SLC22A14: variants seen among roughly 807,000 people sequenced by gnomAD.
SLC22A14 encodes the protein organic cation transporter-like 4.
In SLC22A14, 50 loss-of-function variants were observed where a neutral mutation model predicts 53.9. That is an observed-to-expected ratio of 0.93 (90% CI 0.74 to 1.17). The LOEUF (loss-of-function observed/expected upper bound fraction) is 1.17. SLC22A14 is among the 50% of genes most tolerant of loss of function. The probability of loss-of-function intolerance (pLI) is 0.00; values close to 1 mark genes in which losing one functional copy is unlikely to be tolerated. For missense variants in SLC22A14, 671 were observed against 734.7 expected (o/e 0.91, Z 1.00); for synonymous variants, 312 against 303.0 (o/e 1.03, Z -0.31).
intron 1 of SLC22A14, among the ~76,000 whole-genome samples, chr3:38,296,553 G>T (rs1003776558): frequency 5.3e-5 from 8 of 152,164 alleles, no homozygotes; most frequent in African/African-American, 1.9e-4. Flanking sequence ...AATGTTACTG[G>T]GGGTCCTTGC....
In SLC22A14 at chr3:38,313,745, C is replaced by T. The variant is rs779891957; in HGVS notation, c.1182C>T (p.Thr394=). The T allele has an allele frequency of 1.1e-5, 18 of 1,609,924 alleles. 1 individual carries two copies. The South Asian group carries it at 2.0e-4, about 18-fold the overall frequency. ...MSCVWFTVSY[T]YFTLSLRMRE... ...CATCCAGGTTTACCGTCAGTTACAC[C>T]TATTTTACGTTGAGCCTGAGAATGA... Residue 394 remains threonine, a synonymous_variant, in exon 8 of 11, where the codon ACC becomes ACT. Transcript: ENST00000448498.
At chr3:38,297,761 AT>A (rs2125879055) in intron 1 of SLC22A14, among the ~76,000 whole-genome samples, 1 of 152,264 alleles carries the variant, frequency 6.6e-6, no homozygotes, top group East Asian at 1.9e-4. Flanking sequence ...GGTGATTTTA[AT>A]TTTGATTACT....
Position 38,316,357 on chromosome 3 carries a change from G to A in SLC22A14, c.1566G>A (p.Ser522=), listed in dbSNP as rs150495574. Residue 522 remains serine, a synonymous_variant, in exon 10 of 11, where the codon TCG becomes TCA. Coordinates refer to ENST00000448498, the MANE Select transcript of SLC22A14 (RefSeq NM_001320033.2). ...GTCTGGGGCTGGTGTCTCTGGCCTC[G>A]GTGGCTGGAGCCATCTTGTCCCTGA... ...ATGLGLVSLA[S]VAGAILSLTI... The A allele has an allele frequency of 3.2e-4, 515 of 1,614,106 alleles. 3 individuals carry two copies. The highest frequency in any genetic ancestry group is 3.1e-3 in the South Asian group (282 of 91,078).
rs757456260 is a variant in SLC22A14, at chr3:38,306,148, T to C, written c.122T>C (p.Leu41Ser). 2 of 1,614,036 alleles carry C rather than the reference T, an allele frequency of 1.2e-6. No individual in the cohort carries two copies. The highest frequency in any genetic ancestry group is 2.2e-5 in the East Asian group (1 of 44,892). Reference protein sequence around the residue: ...SWSLEMLLRRLRAVHTKQDDK... With the variant: ...SWSLEMLLRRSRAVHTKQDDK... ...TCTCTGGAGATGCTGTTACGCAGATTGAGGGCTGTCCACACCAAGCAGGAT... is the reference window on the plus strand; with the variant it reads ...TCTCTGGAGATGCTGTTACGCAGATCGAGGGCTGTCCACACCAAGCAGGAT... Residue 41 changes from leucine (L) to serine (S), a missense_variant, in exon 2 of 11, where the codon TTG (leucine) becomes TCG (serine). Transcript: ENST00000448498.
At chr3:38,314,065 C>G in intron 8 of SLC22A14, 124 bp downstream of exon 8, 6 of 700,654 alleles carry the variant, frequency 8.6e-6, no homozygotes, top group Non-Finnish European at 1.4e-5. Context: ...GCACCTATAG[C>G]CCACCCACCC....
chr3:38,309,421 G>C (rs1453427132), intron 5 of SLC22A14, among the ~76,000 whole-genome samples: 1 of 152,190 alleles, frequency 6.6e-6, no homozygotes, highest in African/African-American at 2.4e-5. Flanking sequence ...GAAGGTAAGA[G>C]GGGTGATGCT....
intron 1 of SLC22A14, among the ~76,000 whole-genome samples, chr3:38,295,020 T>C (rs1461364410): frequency 6.6e-6 from 1 of 152,224 alleles, no homozygotes; most frequent in Non-Finnish European, 1.5e-5. Flanking sequence ...GATCCAACGT[T>C]TGAGCAGACC....
chr3:38,310,094 G>A (rs988354414), intron 5 of SLC22A14, among the ~76,000 whole-genome samples: 7 of 152,160 alleles, frequency 4.6e-5, no homozygotes, highest in African/African-American at 1.7e-4. Flanking sequence ...TAACAGCATG[G>A]GGGCTGGGCG....
chr3:38,293,898 G>T (rs377402315), intron 1 of SLC22A14, among the ~76,000 whole-genome samples: 281 of 152,266 alleles, frequency 1.8e-3, no homozygotes, highest in African/African-American at 6.5e-3. Context: ...TCTCTCATTT[G>T]GGGTTAATGT....
chr3:38,302,023 A>G (rs1417223623), intron 1 of SLC22A14, among the ~76,000 whole-genome samples: 1 of 151,136 alleles, frequency 6.6e-6, no homozygotes, highest in Non-Finnish European at 1.5e-5. Context: ...ACCCAAGGTC[A>G]GGAGTTCAAG....
At chr3:38,291,447 A>G (rs1291245471) in intron 1 of SLC22A14, among the ~76,000 whole-genome samples, 1 of 152,238 alleles carries the variant, frequency 6.6e-6, no homozygotes, top group Non-Finnish European at 1.5e-5. Context: ...TTAAGCAAAA[A>G]GTTGTCTGAC....
At chr3:38,317,900 A>T (rs1357313114) in intron 10 of SLC22A14, among the ~76,000 whole-genome samples, 1 of 152,158 alleles carries the variant, frequency 6.6e-6, no homozygotes, top group Non-Finnish European at 1.5e-5. Context: ...GAGAGGATTA[A>T]ACCTACATAA....
chr3:38,287,871 GTA>G (rs35138491), intron 1 of SLC22A14, among the ~76,000 whole-genome samples: 22,351 of 152,036 alleles, frequency 0.15, 1,848 homozygotes, highest in Non-Finnish European at 0.19. Context: ...ATATATTTCT[GTA>G]TGTTTTATCA....
intron 8 of SLC22A14, 74 bp from the exon 9 acceptor site, chr3:38,315,484 G>A: frequency 6.8e-7 from 1 of 1,465,832 alleles, no homozygotes. Context: ...GCAGGTGGTG[G>A]GGAAGGCTGT....
rs1173485716 is a variant in SLC22A14 at position 38,307,898 on chromosome 3, C to T, written c.775+178C>T. The T allele has an allele frequency of 3.1e-6, 2 of 651,464 alleles. No individual in the cohort carries two copies. The highest frequency in any genetic ancestry group is 5.3e-6 in the Non-Finnish European group (2 of 379,042). The allele number at this position is 651,464 out of a possible 1,614,324, so 40.4% of individuals were successfully genotyped here. Reference sequence around the variant, plus strand: ...GCAGCGTGGGCATCTGCTGGGATCCCACAGGACACAGAGTCAGGGGCCTAA... The same window carrying T: ...GCAGCGTGGGCATCTGCTGGGATCCTACAGGACACAGAGTCAGGGGCCTAA... On this transcript the variant is annotated intron_variant, in intron 4 of 10. Coordinates refer to ENST00000448498, the MANE Select transcript of SLC22A14 (RefSeq NM_001320033.2). The surrounding 1 kb of genome is among the most constrained non-coding windows in gnomAD (Gnocchi z 4.4).
chr3:38,306,648 T>C (rs2070485), intron 2 of SLC22A14, 106 bp downstream of exon 2: 63,977 of 1,167,238 alleles, frequency 0.055, 2,133 homozygotes, highest in East Asian at 0.15. Context: ...TGGGAAGCCA[T>C]TGGCCTGAGG....
At position 38,313,792 on chromosome 3, in the gene SLC22A14, A is replaced by T; in HGVS notation, c.1229A>T (p.His410Leu). ...ATGAGAGAGCTGGGCGTGAGCGTCCACTTCAGACACGTGGTCCCCAGCATC... is the reference window on the plus strand; with the variant it reads ...ATGAGAGAGCTGGGCGTGAGCGTCCTCTTCAGACACGTGGTCCCCAGCATC... ...LRMRELGVSV[H>L]FRHVVPSIME... is the part of the protein sequence containing the mutation. Residue 410 changes from histidine to leucine, a missense_variant, in exon 8 of 11, where the codon CAC (histidine) becomes CTC (leucine). Transcript: ENST00000448498. 6.2e-7 allele frequency: 1 copy of T among 1,613,036 alleles called. No individual in the cohort carries two copies. Among genetic ancestry groups the T allele is most frequent in the Non-Finnish European group, 8.5e-7 (1 of 1,179,506 alleles).
chr3:38,284,999 C>A (rs1275210846), intron 1 of SLC22A14, among the ~76,000 whole-genome samples: 1 of 152,190 alleles, frequency 6.6e-6, no homozygotes. Context: ...AGACAGCCTT[C>A]TGCACCATAA....
At chr3:38,290,707 GA>G (rs984634779) in intron 1 of SLC22A14, among the ~76,000 whole-genome samples, 2 of 152,226 alleles carry the variant, frequency 1.3e-5, no homozygotes, top group Non-Finnish European at 2.9e-5. Context: ...CTGAGAGGAG[GA>G]AACTATGTCC....
Sources: allele counts gnomAD v4.1 joint callset (sites outside exome capture counted in the v4.1 genomes callset), GRCh38; gene constraint gnomAD v4.1.1; non-coding constraint Gnocchi (gnomAD v3.1); transcripts MANE v1.5; gene names NCBI Gene and HGNC (gene_info 2026-07-23, HGNC 2026-07-21).